CCDC24: variants seen among roughly 807,000 people sequenced by gnomAD.
CCDC24 encodes coiled-coil domain containing 24.
In CCDC24, 34 loss-of-function variants were observed where a neutral mutation model predicts 31.6. That is an observed-to-expected ratio of 1.08 (90% CI 0.82 to 1.43). The LOEUF (loss-of-function observed/expected upper bound fraction) is 1.43, where lower values mean the gene tolerates loss of function less well. Ranked by LOEUF, CCDC24 falls within the 40% of genes most tolerant of loss-of-function variation. The pLI is 0.00. For missense variants in CCDC24, 426 were observed against 391.1 expected, an observed-to-expected ratio of 1.09 and a Z score of -0.75; for synonymous variants, 175 against 157.3, an observed-to-expected ratio of 1.11 and a Z score of -0.84.
chr1:43,995,608 T>G lies in CCDC24; in HGVS notation c.560T>G (p.Leu187Arg), dbSNP rs766259472. The G allele has an allele frequency of 5.0e-6, 8 of 1,609,476 alleles. No individual in the cohort carries two copies. In the African/African-American group the frequency reaches 1.1e-4, roughly 22 times the overall value. ...EREILILQRC[L>R]EEEYLRPCHP... ...ACGCAGCTCTCCCTGCAGCGCTGCC[T>G]GGAAGAGGAGTATTTGAGGCCTTGC... Residue 187 changes from leucine (L) to arginine (R), a missense_variant, in exon 7 of 9, where the codon CTG (leucine) becomes CGG (arginine). Coordinates refer to ENST00000372318, the MANE Select transcript of CCDC24 (RefSeq NM_152499.4). This position sits in a 1 kb window ranked among gnomAD's most constrained non-coding sequence, Gnocchi z 4.3.
At chr1:43,992,424 C>G in intron 3 of CCDC24, 37 bp downstream of exon 3, 1 of 1,613,338 alleles carries the variant, frequency 6.2e-7, no homozygotes, top group South Asian at 1.1e-5. Context: ...CCCTAGATAC[C>G]AGGTGGGCTA....
chr1:43,991,737 C>A lies in CCDC24; in HGVS notation c.-42C>A. On this transcript the variant is annotated 5_prime_UTR_variant, in exon 1 of 9. Coordinates refer to ENST00000372318, the MANE Select transcript of CCDC24 (RefSeq NM_152499.4). ...CAATCCCAGCCGAGGGGACCAGCGG[C>A]AGAGCACGGGTGGGGCTTGGGAGAG... The A allele has an allele frequency of 9.1e-7, 1 of 1,093,442 alleles. No individual in the cohort carries two copies. Among genetic ancestry groups the A allele is most frequent in the Non-Finnish European group, 1.3e-6 (1 of 742,524 alleles). The allele number at this position is 1,093,442 out of a possible 1,614,324, so 67.7% of individuals were successfully genotyped here. A position where few individuals can be genotyped will look rare whatever the true frequency, so the allele number is the denominator to read the frequency against.
Position 43,991,851 on chromosome 1 carries a change from G to A in CCDC24, c.-28G>A, listed in dbSNP as rs1358736150. ...ACTCTGACCTGCGGCCCGTAGGTCCGAGCCGGGGACGGCGGCGTCGGTGGG... is the reference window on the plus strand; with the variant it reads ...ACTCTGACCTGCGGCCCGTAGGTCCAAGCCGGGGACGGCGGCGTCGGTGGG... On this transcript the variant is annotated 5_prime_UTR_variant, in exon 2 of 9. Coordinates refer to ENST00000372318, the MANE Select transcript of CCDC24 (RefSeq NM_152499.4). 2.6e-6 allele frequency: 4 copies of A among 1,548,096 alleles called. No homozygotes were observed. Among genetic ancestry groups the A allele is most frequent in the Admixed American group, 3.9e-5 (2 of 51,142 alleles).
In CCDC24 at chr1:43,995,773, T is replaced by G; in HGVS notation, c.623-5T>G. On this transcript the variant is annotated splice_polypyrimidine_tract_variant and splice_region_variant and intron_variant, in intron 7 of 8. Coordinates refer to ENST00000372318, the MANE Select transcript of CCDC24 (RefSeq NM_152499.4). This position sits in a 1 kb window ranked among gnomAD's most constrained non-coding sequence, Gnocchi z 4.3. ...GGCACTGTCTCAGCCCAATCTCTCC[T>G]TCAGAGCTAAAGGAACAGAAGAAGG... 1 of 1,614,186 alleles carries G rather than the reference T, an allele frequency of 6.2e-7. No homozygotes were observed. Among genetic ancestry groups the G allele is most frequent in the African/African-American group, 1.3e-5 (1 of 75,056 alleles).
At chr1:43,992,177 TC>T in intron 2 of CCDC24, 34 bp from the exon 3 acceptor site, 1 of 1,567,818 alleles carries the variant, frequency 6.4e-7, no homozygotes, top group Non-Finnish European at 8.7e-7. Flanking sequence ...GACACTCCCC[TC>T]CCCAGTCGCA....
intron 5 of CCDC24, chr1:43,994,808 A>C: frequency 2.2e-6 from 1 of 459,340 alleles, no homozygotes. Flanking sequence ...AAGCAGCGGA[A>C]GGGCTGTGAT....
rs751067996 is a variant in CCDC24, at chr1:43,992,526, C to T, written c.306C>T (p.Asp102=). The T allele has an allele frequency of 5.0e-5, 81 of 1,614,098 alleles. No homozygotes were observed. The highest frequency in any genetic ancestry group is 6.5e-5 in the Non-Finnish European group (77 of 1,180,026). ...LRHKAICEGR[D]QAQAWVQYSP... ...CCTTCCTGTGCACCTTCTGCAGGGA[C>T]CAGGCCCAAGCTTGGGTCCAGTATA... Residue 102 remains aspartate, a synonymous_variant, in exon 4 of 9, where the codon GAC becomes GAT. Transcript: ENST00000372318.
chr1:43,995,982 T>A lies in CCDC24; in HGVS notation c.746T>A (p.Leu249His). The change falls in exon 9 of 9, where the codon CTT (leucine) becomes CAT (histidine). Residue 249 changes from leucine (L) to histidine (H), a missense_variant. Transcript: ENST00000372318. This position sits in a 1 kb window ranked among gnomAD's most constrained non-coding sequence, Gnocchi z 4.3. ...GSSTQGLRPP[L>H]PLCGVAPLQC... Reference sequence around the variant, plus strand: ...TCCACACAGGGCCTCAGACCCCCGCTTCCCCTCTGCGGGGTTGCACCTCTC... The same window carrying A: ...TCCACACAGGGCCTCAGACCCCCGCATCCCCTCTGCGGGGTTGCACCTCTC... 6.2e-7 allele frequency: 1 copy of A among 1,614,178 alleles called. No homozygotes were observed. Among genetic ancestry groups the A allele is most frequent in the Non-Finnish European group, 8.5e-7 (1 of 1,180,024 alleles).
In CCDC24 at chr1:43,996,222, T is replaced by G; in HGVS notation, c.*62T>G. On this transcript the variant is annotated 3_prime_UTR_variant, in exon 9 of 9. Coordinates refer to ENST00000372318, the MANE Select transcript of CCDC24 (RefSeq NM_152499.4). ...AGCGCACCTGTCTGCCGCTGCCGCC[T>G]CAGCTGCTTTGGCCCAGCCAGCTTC... 7.2e-7 allele frequency: 1 copy of G among 1,395,000 alleles called. No homozygotes were observed. Among genetic ancestry groups the G allele is most frequent in the Non-Finnish European group, 9.6e-7 (1 of 1,044,360 alleles). 86.4% of individuals were successfully genotyped at this position (1,395,000 alleles called of 1,614,324 possible). A position where few individuals can be genotyped will look rare whatever the true frequency, so the allele number is the denominator to read the frequency against.
chr1:43,996,480 C>G lies in CCDC24; in HGVS notation c.*320C>G, dbSNP rs1029703449. 2 of 353,848 alleles carry G rather than the reference C, an allele frequency of 5.7e-6. No individual in the cohort carries two copies. Among genetic ancestry groups the G allele is most frequent in the Admixed American group, 4.4e-5 (1 of 22,708 alleles). The allele number at this position is 353,848 out of a possible 1,614,324, so 21.9% of individuals were successfully genotyped here. A position where few individuals can be genotyped will look rare whatever the true frequency, so the allele number is the denominator to read the frequency against. ...GGGGACCCAGACAAAGCACAGCAGC[C>G]GCTCAGAGACAGGAATAGAAATTTC... On this transcript the variant is annotated 3_prime_UTR_variant, in exon 9 of 9. Transcript: ENST00000372318.
chr1:43,994,250 AG>A, intron 5 of CCDC24: 5 of 411,422 alleles, frequency 1.2e-5, no homozygotes, highest in Middle Eastern at 1.3e-3. Context: ...ATTCGAAACC[AG>A]CTTGGCCAAC....
At chr1:43,993,821 T>C (rs1480005720) in intron 4 of CCDC24, 66 bp from the exon 5 acceptor site, 1 of 1,420,862 alleles carries the variant, frequency 7.0e-7, no homozygotes, top group East Asian at 2.3e-5. Context: ...TGCCTAGAAG[T>C]GATATTTGGG....
chr1:43,992,183 G>T (rs1451923690), intron 2 of CCDC24, 29 bp from the exon 3 acceptor site: 1 of 1,592,146 alleles, frequency 6.3e-7, no homozygotes, highest in Non-Finnish European at 8.6e-7. Context: ...CCCCTCCCCA[G>T]TCGCAAGGTA....
chr1:43,993,796 GAGAAA>G, intron 4 of CCDC24, 86 bp from the exon 5 acceptor site: 1 of 1,257,058 alleles, frequency 8.0e-7, no homozygotes, highest in South Asian at 1.2e-5. Flanking sequence ...TTGCCTTTGT[GAGAAA>G]AGAAACAGTT....
rs2154303836 is a variant in CCDC24 at position 43,996,223 on chromosome 1, C to A, written c.*63C>A. On this transcript the variant is annotated 3_prime_UTR_variant, in exon 9 of 9. Coordinates refer to ENST00000372318, the MANE Select transcript of CCDC24 (RefSeq NM_152499.4). ...GCGCACCTGTCTGCCGCTGCCGCCT[C>A]AGCTGCTTTGGCCCAGCCAGCTTCA... 7.1e-7 allele frequency: 1 copy of A among 1,400,810 alleles called. No individual in the cohort carries two copies. The highest frequency in any genetic ancestry group is 1.4e-5 in the African/African-American group (1 of 69,142). 86.8% of individuals were successfully genotyped at this position (1,400,810 alleles called of 1,614,324 possible).
chr1:43,993,748 C>T, intron 4 of CCDC24, 139 bp from the exon 5 acceptor site: 1 of 722,806 alleles, frequency 1.4e-6, no homozygotes. Context: ...ATTTGCAAAC[C>T]TAGGCTCCCA....
chr1:43,991,892 C>T lies in CCDC24; in HGVS notation c.14C>T (p.Ser5Phe). The T allele has an allele frequency of 6.4e-7, 1 of 1,552,020 alleles. No individual in the cohort carries two copies. The highest frequency in any genetic ancestry group is 8.7e-7 in the Non-Finnish European group (1 of 1,147,328). ...CGTCGGTGGGTCATGCTCCGGCACT[C>T]CCCCTCGCTGTGGGAGCTGGTGGAG... The part of the protein sequence containing the change: MLRH[S>F]PSLWELVEEH... Residue 5 changes from serine to phenylalanine, a missense_variant, in exon 2 of 9, where the codon TCC (serine) becomes TTC (phenylalanine). Physicochemically the swap from Ser to Phe is radical, Grantham distance 155. Transcript: ENST00000372318.
intron 4 of CCDC24, among the ~76,000 whole-genome samples, chr1:43,993,210 G>A (rs1215789477): frequency 6.6e-6 from 1 of 152,158 alleles, no homozygotes; most frequent in Admixed American, 6.5e-5. Flanking sequence ...GGAGGCTGAG[G>A]CGGGAGGATG....
Position 43,991,643 on chromosome 1 carries a change from C to T in CCDC24, c.-136C>T, listed in dbSNP as rs796991312. On this transcript the variant is annotated 5_prime_UTR_variant, in exon 1 of 9. Transcript: ENST00000372318. ...TGGTTCCCACTGCCTGGTTTCTGGG[C>T]CCCCGGCATCCGAGTCGGCCAAAAG... 30 of 709,900 alleles carry T rather than the reference C, an allele frequency of 4.2e-5. No individual in the cohort carries two copies. The African/African-American group carries it at 4.9e-4, about 12-fold the overall frequency. The allele number at this position is 709,900 out of a possible 1,614,324, so 44.0% of individuals were successfully genotyped here. A position where few individuals can be genotyped will look rare whatever the true frequency, so the allele number is the denominator to read the frequency against.
Sources: allele counts gnomAD v4.1 joint callset (sites outside exome capture counted in the v4.1 genomes callset), GRCh38; gene constraint gnomAD v4.1.1; non-coding constraint Gnocchi (gnomAD v3.1); transcripts MANE v1.5; gene names NCBI Gene and HGNC (gene_info 2026-07-23, HGNC 2026-07-21).